Variants in ARMC9 observed in about 807,000 individuals in gnomAD.
ARMC9 encodes the protein armadillo repeat containing 9, also known as lisH domain-containing protein ARMC9.
A neutral mutation model predicts 107.0 loss-of-function variants in ARMC9; 94 were observed. The ratio of observed to expected loss-of-function variants is 0.88; its 90% CI spans 0.74 to 1.04. The LOEUF is 1.04. Ranked by LOEUF, ARMC9 falls within the 50% of genes least tolerant of loss-of-function variation. The pLI, the probability that ARMC9 is intolerant of heterozygous loss-of-function variation, is 0.00. For missense variants in ARMC9, 942 were observed against 1,030.1 expected (o/e 0.91, Z 1.17); for synonymous variants, 380 against 396.9 (o/e 0.96, Z 0.51).
chr2:231,233,904 C>T (rs1383039639), intron 7 of ARMC9, among the ~76,000 whole-genome samples: 1 of 152,120 alleles, frequency 6.6e-6, no homozygotes, highest in East Asian at 1.9e-4. Context: ...TTGTGCTAGG[C>T]ATGTTGAGTG....
chr2:231,259,731 G>A (rs934286843), intron 11 of ARMC9, among the ~76,000 whole-genome samples: 1 of 152,188 alleles, frequency 6.6e-6, no homozygotes, highest in African/African-American at 2.4e-5. Context: ...GGTGGCTCAT[G>A]CCTGTAATCC....
intron 11 of ARMC9, among the ~76,000 whole-genome samples, chr2:231,261,126 A>G (rs2038302006): frequency 1.3e-5 from 2 of 152,032 alleles, no homozygotes; most frequent in African/African-American, 4.8e-5. Flanking sequence ...TTGCACATCT[A>G]GCTTCTCTTT....
At chr2:231,298,025 C>T (rs2041488331) in intron 19 of ARMC9, among the ~76,000 whole-genome samples, 1 of 152,148 alleles carries the variant, frequency 6.6e-6, no homozygotes, top group African/African-American at 2.4e-5. Flanking sequence ...AACTCAATTT[C>T]TGGAAATTTC....
At chr2:231,225,291 C>T (rs1032664923) in intron 6 of ARMC9, among the ~76,000 whole-genome samples, 8 of 152,072 alleles carry the variant, frequency 5.3e-5, no homozygotes, top group Non-Finnish European at 1.0e-4. Context: ...GAGGTTTAAA[C>T]GTAGAGTTAC....
In ARMC9 at chr2:231,276,623, T is replaced by C. The variant is rs374669591; in HGVS notation, c.1335-13T>C. 126 of 1,614,000 alleles carry C rather than the reference T, an allele frequency of 7.8e-5. No individual in the cohort carries two copies. Among genetic ancestry groups the C allele is most frequent in the Non-Finnish European group, 1.1e-4 (124 of 1,180,024 alleles). ...TTGGCAGTTTGTATTTACCGTAGGC[T>C]CTTTCTTCCCAGGCGCCCGCTGCAG... On this transcript the variant is annotated splice_polypyrimidine_tract_variant and intron_variant, in intron 14 of 24. Transcript: ENST00000611582.
intron 11 of ARMC9, 133 bp downstream of exon 11, chr2:231,259,235 C>T (rs1018509403): frequency 6.4e-6 from 5 of 786,690 alleles, no homozygotes; most frequent in East Asian, 2.7e-5. Context: ...ACACCAAGAA[C>T]GGAAGTCAAA....
chr2:231,257,435 C>G (rs2037933579), intron 10 of ARMC9, among the ~76,000 whole-genome samples: 1 of 152,158 alleles, frequency 6.6e-6, no homozygotes, highest in Admixed American at 6.5e-5. Context: ...ACCCTCTGAG[C>G]CAGCTTTGCG....
At chr2:231,313,573 C>T (rs77039964) in intron 19 of ARMC9, among the ~76,000 whole-genome samples, 2,640 of 152,198 alleles carry the variant, frequency 0.017, 76 homozygotes, top group African/African-American at 0.061. Context: ...ACCATCCCCA[C>T]AATTCAATTT....
At position 231,289,418 on chromosome 2, in the gene ARMC9, G is replaced by C. The variant is rs551145660; in HGVS notation, c.1627-1935G>C. 2.6e-5 allele frequency among the ~76,000 whole-genome samples: 4 copies of C among 152,312 alleles called. No individual in the cohort carries two copies. In the East Asian group the frequency reaches 5.8e-4, roughly 22 times the overall value. On this transcript the variant is annotated intron_variant, in intron 17 of 24. Coordinates refer to ENST00000611582, the MANE Select transcript of ARMC9 (RefSeq NM_001352754.2). ...GGAGTTGGAGGTTGCAGTGATCAGA[G>C]ATCGTGCCACTGCACTCCAGCCTGA... is the stretch of plus-strand genomic sequence containing the variant.
chr2:231,222,532 A>C (rs1213874920), intron 5 of ARMC9, among the ~76,000 whole-genome samples, 196 bp from the exon 6 acceptor site: 1 of 152,098 alleles, frequency 6.6e-6, no homozygotes, highest in Admixed American at 6.5e-5. Context: ...TTTTCTTCCT[A>C]CTGTGGGCAC....
chr2:231,265,463 G>A (rs2038775303), intron 12 of ARMC9, among the ~76,000 whole-genome samples: 1 of 152,176 alleles, frequency 6.6e-6, no homozygotes, highest in South Asian at 2.1e-4. Flanking sequence ...GATGGAGCTG[G>A]AGGCCTTATT....
intron 20 of ARMC9, among the ~76,000 whole-genome samples, chr2:231,341,679 G>GATAGATAGATA (rs1553633366): frequency 1.0e-5 from 1 of 99,568 alleles, no homozygotes; most frequent in Non-Finnish European, 2.5e-5. Context: ...GATAGATAGA[G>GATAGATAGATA]TATACCTGTA....
At chr2:231,240,365 T>TTA (rs2036184564) in intron 9 of ARMC9, among the ~76,000 whole-genome samples, 1 of 152,184 alleles carries the variant, frequency 6.6e-6, no homozygotes, top group Admixed American at 6.5e-5. Flanking sequence ...TAGTGGAAAT[T>TTA]GTGTGGTCTA....
chr2:231,199,566 T>C (rs1429015644), intron 1 of ARMC9, among the ~76,000 whole-genome samples: 1 of 152,238 alleles, frequency 6.6e-6, no homozygotes. Context: ...AAATATAAAC[T>C]ATATTCACCT....
intron 21 of ARMC9, among the ~76,000 whole-genome samples, chr2:231,347,914 T>G (rs1023989357): frequency 6.6e-6 from 1 of 152,266 alleles, no homozygotes; most frequent in African/African-American, 2.4e-5. Flanking sequence ...TAAAAATAAG[T>G]CTGGCAACTT....
chr2:231,267,784 A>G (rs2038983346), intron 12 of ARMC9, among the ~76,000 whole-genome samples: 1 of 152,180 alleles, frequency 6.6e-6, no homozygotes, highest in Non-Finnish European at 1.5e-5. Flanking sequence ...CTCTGTTTAA[A>G]AATTGGGACC....
At chr2:231,242,150 C>CT (rs779277500) in intron 9 of ARMC9, among the ~76,000 whole-genome samples, 1,503 of 139,912 alleles carry the variant, frequency 0.011, 11 homozygotes, top group Admixed American at 0.012. Context: ...AGTTCAAATG[C>CT]TTTTTTTTTT....
intron 20 of ARMC9, among the ~76,000 whole-genome samples, chr2:231,340,588 C>T (rs1453494379): frequency 6.6e-6 from 1 of 152,126 alleles, no homozygotes; most frequent in Non-Finnish European, 1.5e-5. Flanking sequence ...AAATTTTTCC[C>T]ACTAAATCTA....
At chr2:231,211,586 G>A (rs1199883866) in intron 3 of ARMC9, among the ~76,000 whole-genome samples, 1 of 151,820 alleles carries the variant, frequency 6.6e-6, no homozygotes, top group Non-Finnish European at 1.5e-5. Flanking sequence ...ATCTCTTTAA[G>A]GCCTTGCTTT....
Sources: allele counts gnomAD v4.1 joint callset (sites outside exome capture counted in the v4.1 genomes callset), GRCh38; gene constraint gnomAD v4.1.1; transcripts MANE v1.5; gene names NCBI Gene and HGNC (gene_info 2026-07-23, HGNC 2026-07-21).